ENOX2: variants seen among roughly 807,000 people sequenced by gnomAD.
ENOX2 encodes ecto-NOX disulfide-thiol exchanger 2.
A neutral mutation model predicts 45.0 loss-of-function variants in ENOX2; 36 were observed. The observed-to-expected ratio is 0.80, with a 90% CI of 0.61 to 1.06. The LOEUF (loss-of-function observed/expected upper bound fraction) is 1.06. Among genes scored for constraint, ENOX2 ranks in the 50% least tolerant of loss-of-function variants. ENOX2 has a pLI of 0.00. For synonymous variants in ENOX2, 174 were observed against 152.3 expected, an observed-to-expected ratio of 1.14 and a Z score of -1.05; for missense variants, 423 against 462.5, an observed-to-expected ratio of 0.91 and a Z score of 0.78.
At chrX:130,666,966 G>A (rs1316685185) in intron 8 of ENOX2, among the ~76,000 whole-genome samples, 2 of 111,592 alleles carry the variant, frequency 1.8e-5, no homozygotes, top group African/African-American at 3.3e-5. Context: ...GGTTTGGAGC[G>A]GAATTTCTTT....
In ENOX2 at chrX:130,784,889, A is replaced by G. The variant is rs1302960758; in HGVS notation, c.-182-1199T>C. On this transcript the variant is annotated intron_variant, in intron 2 of 14. Coordinates refer to ENST00000394363, the MANE Select transcript of ENOX2 (RefSeq NM_006375.4). ...AAGCTTGAGCCACGGTGCGCAGCCC[A>G]TAGCTCATTCTTTAACTCCCAAATT... is the stretch of plus-strand genomic sequence containing the variant. Among the ~76,000 whole-genome samples, 4 of 108,029 alleles carry G rather than the reference A, an allele frequency of 3.7e-5. No homozygotes were observed. In the Admixed American group the frequency reaches 4.0e-4, roughly 11 times the overall value. The allele number at this position is 108,029 out of a possible 115,157, so 93.8% of individuals were successfully genotyped here.
At chrX:130,645,085 GAAACTTATTAATTTAA>G (rs1236874721) in intron 10 of ENOX2, among the ~76,000 whole-genome samples, 1 of 111,555 alleles carries the variant, frequency 9.0e-6, no homozygotes, top group Non-Finnish European at 1.9e-5. Flanking sequence ...CTCTAAAAAA[GAAACTTATTAATTTAA>G]AAAATGAAGG....
chrX:130,673,069 C>T (rs922882306), intron 6 of ENOX2, among the ~76,000 whole-genome samples: 6 of 112,085 alleles, frequency 5.4e-5, no homozygotes, highest in Non-Finnish European at 7.5e-5. Context: ...TACCTGTAGG[C>T]GCCACCTACT....
chrX:130,745,894 A>G (rs956618025), intron 3 of ENOX2, among the ~76,000 whole-genome samples: 17 of 112,147 alleles, frequency 1.5e-4, no homozygotes, highest in African/African-American at 5.5e-4. Context: ...AAAGTTTAGA[A>G]AAAGTCCTGC....
intron 10 of ENOX2, among the ~76,000 whole-genome samples, chrX:130,639,023 A>T (rs2036011873): frequency 9.0e-6 from 1 of 110,785 alleles, no homozygotes; most frequent in African/African-American, 3.3e-5. Flanking sequence ...AAACTCCAGG[A>T]AGACCCAGTC....
chrX:130,783,657 T>C lies in ENOX2; in HGVS notation c.-149A>G, dbSNP rs2076926076. 3.1e-6 allele frequency: 1 copy of C among 322,414 alleles called. No homozygotes were observed. The highest frequency in any genetic ancestry group is 6.0e-6 in the Non-Finnish European group (1 of 167,246). The allele number at this position is 322,414 out of a possible 1,213,427, so 26.6% of individuals were successfully genotyped here. Reference sequence around the variant, plus strand: ...ACTACCAAACTGCAGGGGCTCGTTGTTGTTAGCAGGGTCAAAGGGCAGCTG... The same window carrying C: ...ACTACCAAACTGCAGGGGCTCGTTGCTGTTAGCAGGGTCAAAGGGCAGCTG... On this transcript the variant is annotated 5_prime_UTR_variant, in exon 3 of 15. Coordinates refer to ENST00000394363, the MANE Select transcript of ENOX2 (RefSeq NM_006375.4).
chrX:130,670,515 G>A (rs188198715), intron 6 of ENOX2, among the ~76,000 whole-genome samples: 48 of 110,683 alleles, frequency 4.3e-4, no homozygotes, highest in South Asian at 1.2e-3. Context: ...GGTTGGCTCC[G>A]TGGGTAATAG....
chrX:130,825,391 G>A (rs1390729944), intron 2 of ENOX2, among the ~76,000 whole-genome samples: 1 of 111,372 alleles, frequency 9.0e-6, no homozygotes, highest in Non-Finnish European at 1.9e-5. Context: ...CTCTGGGTAT[G>A]AAGGGAGGGA....
intron 3 of ENOX2, among the ~76,000 whole-genome samples, chrX:130,737,996 G>T (rs1295648552): frequency 8.9e-6 from 1 of 111,742 alleles, no homozygotes; most frequent in African/African-American, 3.3e-5. Context: ...TTAGTACTGG[G>T]GCTTCTATTT....
chrX:130,725,454 A>G (rs988133313), intron 3 of ENOX2, among the ~76,000 whole-genome samples: 2 of 108,271 alleles, frequency 1.8e-5, no homozygotes, highest in Admixed American at 1.0e-4. Flanking sequence ...TAAAAGTGCC[A>G]TGTTTTTGTG....
At chrX:130,752,511 C>T (rs963426192) in intron 3 of ENOX2, among the ~76,000 whole-genome samples, 1 of 110,465 alleles carries the variant, frequency 9.1e-6, no homozygotes, top group Non-Finnish European at 1.9e-5. Context: ...CTCTAAGTGT[C>T]TTGTCTCAGT....
At chrX:130,864,007 T>C (rs1005851224) in intron 2 of ENOX2, among the ~76,000 whole-genome samples, 5 of 111,105 alleles carry the variant, frequency 4.5e-5, no homozygotes, top group African/African-American at 1.6e-4. Context: ...TAAGAGTCAC[T>C]TGAAGATTAA....
chrX:130,757,279 C>T (rs2039375269), intron 3 of ENOX2, among the ~76,000 whole-genome samples: 1 of 111,868 alleles, frequency 8.9e-6, no homozygotes, highest in Non-Finnish European at 1.9e-5. Context: ...CTCCCATAGA[C>T]ATGCACAATG....
chrX:130,900,405 T>C (rs2079125909), intron 2 of ENOX2, among the ~76,000 whole-genome samples: 1 of 112,325 alleles, frequency 8.9e-6, no homozygotes, highest in Non-Finnish European at 1.9e-5. Context: ...TAACTACCAC[T>C]GGCAGATGCC....
At chrX:130,841,296 A>G (rs1480726883) in intron 2 of ENOX2, among the ~76,000 whole-genome samples, 1 of 112,315 alleles carries the variant, frequency 8.9e-6, no homozygotes, top group Non-Finnish European at 1.9e-5. Context: ...CCATTTTTCT[A>G]CATTCTGGCA....
chrX:130,855,643 A>G (rs957081226), intron 2 of ENOX2, among the ~76,000 whole-genome samples: 2 of 111,790 alleles, frequency 1.8e-5, no homozygotes, highest in African/African-American at 6.5e-5. Flanking sequence ...AATCAAAGAA[A>G]GAAAAATCTT....
intron 9 of ENOX2, among the ~76,000 whole-genome samples, chrX:130,664,251 C>T (rs1459011824): frequency 1.8e-5 from 2 of 112,039 alleles, no homozygotes; most frequent in Non-Finnish European, 3.8e-5. Context: ...TCAAATTGTT[C>T]TCACACAAAC....
chrX:130,887,178 A>G (rs967112096), intron 2 of ENOX2, among the ~76,000 whole-genome samples: 18 of 111,617 alleles, frequency 1.6e-4, no homozygotes, highest in Non-Finnish European at 3.0e-4. Context: ...ACTTTGAAAC[A>G]AAGGGGAAAT....
intron 2 of ENOX2, among the ~76,000 whole-genome samples, chrX:130,835,307 C>G (rs2077910787): frequency 9.0e-6 from 1 of 111,344 alleles, no homozygotes; most frequent in Non-Finnish European, 1.9e-5. Context: ...TTACAAAGTA[C>G]TTTACATGCA....
Sources: allele counts gnomAD v4.1 joint callset (sites outside exome capture counted in the v4.1 genomes callset), GRCh38; gene constraint gnomAD v4.1.1; transcripts MANE v1.5; gene names NCBI Gene and HGNC (gene_info 2026-07-23, HGNC 2026-07-21).